The following LAMC3 variants were observed in gnomAD, a reference collection of about 807,000 sequenced individuals.
LAMC3 encodes the protein laminin subunit gamma-3.
A neutral mutation model predicts 173.8 loss-of-function variants in LAMC3; 128 were observed. The ratio of observed to expected loss-of-function variants is 0.74; its 90% CI spans 0.64 to 0.85. LAMC3 has a LOEUF of 0.85. Among genes scored for constraint, LAMC3 ranks in the 40% least tolerant of loss-of-function variants. The pLI is 0.00. For synonymous variants in LAMC3, 897 were observed against 909.1 expected, an observed-to-expected ratio of 0.99 and a Z score of 0.24; for missense variants, 2,022 against 2,156.0, an observed-to-expected ratio of 0.94 and a Z score of 1.23.
At chr9:131,076,676 G>C (rs970505692) in intron 21 of LAMC3, among the ~76,000 whole-genome samples, 6 of 152,106 alleles carry the variant, frequency 3.9e-5, no homozygotes, top group African/African-American at 9.7e-5. Flanking sequence ...GGTCAGGACA[G>C]AAAACCCATC....
chr9:131,087,434 T>G (rs1036998908), intron 25 of LAMC3, 42 bp from the exon 26 acceptor site: 1 of 1,612,688 alleles, frequency 6.2e-7, no homozygotes, highest in Non-Finnish European at 8.5e-7. Context: ...AAGGACTTGC[T>G]GCACTCACTT....
chr9:131,068,783 G>A (rs537431454), intron 15 of LAMC3, 125 bp from the exon 16 acceptor site: 8 of 969,666 alleles, frequency 8.3e-6, no homozygotes, highest in South Asian at 6.3e-5. Context: ...GCCATGCACC[G>A]AGAGGAGATG....
Position 131,049,082 on chromosome 9 carries a change from A to C in LAMC3, c.1582A>C (p.Asn528His). ...GSEHPPQWSP[N>H]GVLLSPEDEE... ...TGAGCACCCCCCACAATGGAGCCCA[A>C]ATGGGGTCCTCCTGAGCCCAGAAGA... The change falls in exon 9 of 28, where the codon AAT becomes CAT. Residue 528 changes from asparagine (N) to histidine (H), a missense_variant. Asn to His is a moderately conservative substitution (Grantham distance 68, BLOSUM62 1). Coordinates refer to ENST00000361069, the MANE Select transcript of LAMC3 (RefSeq NM_006059.4). 3 of 1,552,298 alleles carry C rather than the reference A, an allele frequency of 1.9e-6. No homozygotes were observed. Among genetic ancestry groups the C allele is most frequent in the Non-Finnish European group, 2.6e-6 (3 of 1,147,276 alleles).
At position 131,026,518 on chromosome 9, in the gene LAMC3, G is replaced by A. The variant is rs759660042; in HGVS notation, c.607G>A (p.Gly203Ser). 2.1e-5 allele frequency: 34 copies of A among 1,612,190 alleles called. No individual in the cohort carries two copies. The Admixed American group carries it at 2.7e-4, about 13-fold the overall frequency. Residue 203 changes from glycine to serine, a missense_variant, in exon 2 of 28, where the codon GGC becomes AGC. By Grantham distance (56) the Gly-to-Ser change is moderately conservative (BLOSUM62 0). Coordinates refer to ENST00000361069, the MANE Select transcript of LAMC3 (RefSeq NM_006059.4). This position sits in a 1 kb window ranked among gnomAD's most constrained non-coding sequence, Gnocchi z 4.8. Reference protein sequence around the residue: ...EFSDISPLSGGNVAFSTLEGR... With the variant: ...EFSDISPLSGSNVAFSTLEGR... ...CAGCGACATCTCCCCGCTGAGTGGC[G>A]GCAACGTGGCCTTCTCCACCCTGGA...
At position 131,045,600 on chromosome 9, in the gene LAMC3, A is replaced by G. The variant is rs1564374023; in HGVS notation, c.1459A>G (p.Lys487Glu). ...CAGCTGTTTCTGCTATGGCCACTCC[A>G]AGGTGTGCGCGTCCACTGCCCAGTT... is the stretch of plus-strand genomic sequence containing the variant. ...CSSCFCYGHSKVCASTAQFQV... is the reference protein window; with the variant it reads ...CSSCFCYGHSEVCASTAQFQV... Residue 487 changes from lysine (K) to glutamate (E), a missense_variant, in exon 8 of 28, where the codon AAG becomes GAG. By Grantham distance (56) the Lys-to-Glu change is moderately conservative. Transcript: ENST00000361069. 3 of 1,614,014 alleles carry G rather than the reference A, an allele frequency of 1.9e-6. No individual in the cohort carries two copies. Among genetic ancestry groups the G allele is most frequent in the African/African-American group, 2.7e-5 (2 of 74,928 alleles).
intron 18 of LAMC3, among the ~76,000 whole-genome samples, chr9:131,072,284 G>A (rs1055165125): frequency 2.6e-5 from 4 of 152,196 alleles, no homozygotes; most frequent in Non-Finnish European, 4.4e-5. Context: ...TGGAAATAGG[G>A]GCTATCAGAT....
At chr9:131,015,276 T>G (rs1833499549) in intron 1 of LAMC3, among the ~76,000 whole-genome samples, 1 of 152,104 alleles carries the variant, frequency 6.6e-6, no homozygotes, top group African/African-American at 2.4e-5. Flanking sequence ...GCCCCCAGCC[T>G]TGCAGGTGCC....
intron 1 of LAMC3, among the ~76,000 whole-genome samples, chr9:131,011,759 T>C (rs1279675344): frequency 2.6e-5 from 4 of 151,654 alleles, no homozygotes; most frequent in East Asian, 3.9e-4. Context: ...GGGGAGTTGT[T>C]GGGGAGACAC....
intron 4 of LAMC3, 96 bp downstream of exon 4, chr9:131,036,428 T>A: frequency 7.1e-7 from 1 of 1,418,264 alleles, no homozygotes; most frequent in Non-Finnish European, 9.8e-7. Flanking sequence ...GGGCTGCTCC[T>A]GGGTACGCCC....
At chr9:131,040,613 C>CT (rs1279585907) in intron 6 of LAMC3, among the ~76,000 whole-genome samples, 3 of 152,298 alleles carry the variant, frequency 2.0e-5, no homozygotes, top group African/African-American at 7.2e-5. Flanking sequence ...GGGCATAAAA[C>CT]TGACCATGAG....
Position 131,073,317 on chromosome 9 carries a change from A to G in LAMC3, c.3490A>G (p.Arg1164Gly), listed in dbSNP as rs750966093. Residue 1164 changes from arginine (R) to glycine (G), a missense_variant, in exon 20 of 28, where the codon AGG becomes GGG. Transcript: ENST00000361069. ...GGCCACAGAGGCCCGTGCCCTCGCCAGGAGGTGAGTCCCAAGACATGGTGA... is the reference window on the plus strand; with the variant it reads ...GGCCACAGAGGCCCGTGCCCTCGCCGGGAGGTGAGTCCCAAGACATGGTGA... ...HLATEARALA[R>G]SHRDTATKIA... is the part of the protein sequence containing the mutation. The G allele has an allele frequency of 8.7e-6, 14 of 1,613,094 alleles. No individual in the cohort carries two copies. In the African/African-American group the frequency reaches 1.7e-4, roughly 20 times the overall value.
chr9:131,057,962 C>CT (rs1484364223), intron 12 of LAMC3, among the ~76,000 whole-genome samples: 2 of 152,256 alleles, frequency 1.3e-5, no homozygotes, highest in African/African-American at 4.8e-5. Flanking sequence ...GGCCGGGACC[C>CT]TTCCTGTCCC....
At position 131,082,054 on chromosome 9, in the gene LAMC3, T is replaced by C; in HGVS notation, c.3928-5T>C. 1 of 1,612,506 alleles carries C rather than the reference T, an allele frequency of 6.2e-7. No homozygotes were observed. Among genetic ancestry groups the C allele is most frequent in the African/African-American group, 1.3e-5 (1 of 75,012 alleles). On this transcript the variant is annotated splice_region_variant and splice_polypyrimidine_tract_variant and intron_variant, in intron 23 of 27. Transcript: ENST00000361069. The stretch of plus-strand genomic sequence containing the variant: ...GCTGCCCAGCCTCTCCTCATCTCTC[T>C]CCAGCTGCACCAGGAGGCCAGAGCC...
In LAMC3 at chr9:131,091,015, C is replaced by T. The variant is rs543791225; in HGVS notation, c.4478-522C>T. 6.6e-5 allele frequency among the ~76,000 whole-genome samples: 10 copies of T among 152,210 alleles called. No individual in the cohort carries two copies. In the South Asian group the frequency reaches 1.0e-3, roughly 16 times the overall value. ...CAGCCTGGACAACAGAGCGAGACTC[C>T]GTCTCAATAAATAAATAAATGCATC... On this transcript the variant is annotated intron_variant, in intron 27 of 27. Transcript: ENST00000361069.
At chr9:131,088,413 A>T (rs1172614417) in intron 27 of LAMC3, among the ~76,000 whole-genome samples, 4 of 152,024 alleles carry the variant, frequency 2.6e-5, no homozygotes. Context: ...CGTAGGAAGG[A>T]GGTCAGATTC....
rs374003318 is a variant in LAMC3, at chr9:131,050,262, C to T, written c.1630+1132C>T. Among the ~76,000 whole-genome samples the T allele has an allele frequency of 1.4e-3, 207 of 152,358 alleles. 2 individuals carry two copies. The highest frequency in any genetic ancestry group is 4.6e-3 in the African/African-American group (192 of 41,590). On this transcript the variant is annotated intron_variant, in intron 9 of 27. Coordinates refer to ENST00000361069, the MANE Select transcript of LAMC3 (RefSeq NM_006059.4). ...TGGTGCTCTCAGGCCGGCCCGCTCCCGGGGCACCCTGAGCAGCTGGAGGTG... is the reference window on the plus strand; with the variant it reads ...TGGTGCTCTCAGGCCGGCCCGCTCCTGGGGCACCCTGAGCAGCTGGAGGTG...
intron 6 of LAMC3, among the ~76,000 whole-genome samples, chr9:131,039,792 T>C (rs1352297164): frequency 6.6e-6 from 1 of 151,428 alleles, no homozygotes; most frequent in African/African-American, 2.4e-5. Flanking sequence ...TCTGGGCCTC[T>C]GGATAGCAGG....
intron 14 of LAMC3, among the ~76,000 whole-genome samples, chr9:131,067,536 C>T (rs376500976): frequency 2.0e-5 from 3 of 152,180 alleles, no homozygotes; most frequent in Non-Finnish European, 4.4e-5. Flanking sequence ...GCCATGCCTC[C>T]CCTCATCACC....
In LAMC3 at chr9:131,068,151, C is replaced by T. The variant is rs774544695; in HGVS notation, c.2667C>T (p.Cys889=). 2 of 1,613,446 alleles carry T rather than the reference C, an allele frequency of 1.2e-6. No individual in the cohort carries two copies. Among genetic ancestry groups the T allele is most frequent in the Non-Finnish European group, 1.7e-6 (2 of 1,180,044 alleles). Residue 889 remains cysteine (C), a synonymous_variant, in exon 15 of 28, where the codon TGC becomes TGT. Transcript: ENST00000361069. Reference sequence around the variant, plus strand: ...ACCCAGTGACAGGCCAATGCTCCTGCCTGCCTCATGTGACTGCACGGGACT... The same window carrying T: ...ACCCAGTGACAGGCCAATGCTCCTGTCTGCCTCATGTGACTGCACGGGACT... The part of the protein sequence containing the change: ...PCDPVTGQCS[C]LPHVTARDCS...
Sources: gnomAD v4.1 joint callset for allele counts (sites outside exome capture counted in the v4.1 genomes callset) on GRCh38, gnomAD v4.1.1 for gene constraint, Gnocchi (gnomAD v3.1) non-coding constraint, MANE v1.5 for transcripts, NCBI Gene and HGNC (gene_info 2026-07-23, HGNC 2026-07-21) for gene names.